Variants in SUPT7L observed in about 807,000 individuals in gnomAD.
SUPT7L encodes the protein STAGA complex 65 subunit gamma.
A neutral mutation model predicts 35.7 loss-of-function variants in SUPT7L; 15 were observed. The observed-to-expected ratio is 0.42, with a 90% CI of 0.28 to 0.65. The LOEUF (loss-of-function observed/expected upper bound fraction) is 0.65. Among genes scored for constraint, SUPT7L ranks in the 30% least tolerant of loss-of-function variants. The pLI is 0.23. For missense variants in SUPT7L, 434 were observed against 522.2 expected (o/e 0.83, Z 1.65); for synonymous variants, 168 against 186.2 (o/e 0.90, Z 0.79).
intron 4 of SUPT7L, among the ~76,000 whole-genome samples, chr2:27,656,024 C>CAA (rs879833256): frequency 2.4e-5 from 3 of 123,556 alleles, no homozygotes; most frequent in African/African-American, 3.0e-5. Flanking sequence ...CCATCTCTAC[C>CAA]AAAAAAAAAA....
At chr2:27,655,869 G>C (rs1342286007) in intron 4 of SUPT7L, among the ~76,000 whole-genome samples, 1 of 152,180 alleles carries the variant, frequency 6.6e-6, no homozygotes, top group Admixed American at 6.5e-5. Flanking sequence ...TGGGACAAAA[G>C]ATTACATTTT....
In SUPT7L at chr2:27,658,373, GACTCCAGAA is replaced by G. The variant is rs557075004; in HGVS notation, c.420-713_420-705del. On this transcript the variant is annotated intron_variant, in intron 3 of 5. Coordinates refer to ENST00000337768, the MANE Select transcript of SUPT7L (RefSeq NM_014860.3). ...ATAATTAGTAAGTGGTAAAGCTTCT[GACTCCAGAA>G]ACCGTATCCTGCATAATACACCATT... Among the ~76,000 whole-genome samples, 29 of 152,210 alleles carry G rather than the reference GACTCCAGAA, an allele frequency of 1.9e-4. No individual in the cohort carries two copies. The South Asian group carries it at 4.8e-3, about 25-fold the overall frequency.
chr2:27,662,174 C>G lies in SUPT7L; in HGVS notation c.14+5G>C, dbSNP rs1391307449. The G allele has an allele frequency of 1.2e-6, 2 of 1,614,192 alleles. No homozygotes were observed. The highest frequency in any genetic ancestry group is 1.1e-5 in the South Asian group (1 of 91,084). ...AACAAAATTCACAATCTGGTTTCAA[C>G]TCACCTTTGCAGATTCATTGTCCAT... On this transcript the variant is annotated splice_donor_5th_base_variant and intron_variant, in intron 2 of 5. Transcript: ENST00000337768.
chr2:27,661,999 G>T (rs1257498797), intron 2 of SUPT7L, 180 bp downstream of exon 2: 2 of 756,150 alleles, frequency 2.6e-6, no homozygotes, highest in Non-Finnish European at 4.3e-6. Context: ...AGAGATTTCT[G>T]CTGCCTTCTA....
chr2:27,642,998 C>CACACACAT, the SUPT7L span, among the ~76,000 whole-genome samples: 1 of 150,150 alleles, frequency 6.7e-6, no homozygotes, highest in Non-Finnish European at 1.5e-5. Flanking sequence ...CACACACATA[C>CACACACAT]ATATGCATAC....
At chr2:27,661,593 G>A (rs1675112797) in intron 2 of SUPT7L, 2 of 1,414,264 alleles carry the variant, frequency 1.4e-6, no homozygotes, top group African/African-American at 1.4e-5. Context: ...AGGACCAAAG[G>A]TGTTCTCCCT....
At chr2:27,644,743 T>TA in the SUPT7L span, among the ~76,000 whole-genome samples, 3 of 149,026 alleles carry the variant, frequency 2.0e-5, no homozygotes, top group South Asian at 2.1e-4. Flanking sequence ...TTTTTTTTTT[T>TA]ACAGATGAGG....
intron 3 of SUPT7L, among the ~76,000 whole-genome samples, chr2:27,659,955 A>G (rs572071785): frequency 6.6e-6 from 1 of 152,334 alleles, no homozygotes; most frequent in African/African-American, 2.4e-5. Context: ...ATGAAAATAA[A>G]AAAGTAATTG....
rs959597660 is a variant in SUPT7L at position 27,663,377 on chromosome 2, C to T, written c.-138G>A. Reference sequence around the variant, plus strand: ...ACGGAGCCCAAGGAATGCCCAAGTCCCTCCAGGGGTTTCCTCGGTCACGGT... The same window carrying T: ...ACGGAGCCCAAGGAATGCCCAAGTCTCTCCAGGGGTTTCCTCGGTCACGGT... On this transcript the variant is annotated 5_prime_UTR_variant, in exon 1 of 6. Coordinates refer to ENST00000337768, the MANE Select transcript of SUPT7L (RefSeq NM_014860.3). 1 of 201,732 alleles carries T rather than the reference C, an allele frequency of 5.0e-6. No homozygotes were observed. Among genetic ancestry groups the T allele is most frequent in the African/African-American group, 2.3e-5 (1 of 42,830 alleles). 12.5% of individuals were successfully genotyped at this position (201,732 alleles called of 1,614,324 possible).
At chr2:27,642,870 C>T in the SUPT7L span, among the ~76,000 whole-genome samples, 3 of 151,178 alleles carry the variant, frequency 2.0e-5, no homozygotes, top group African/African-American at 7.3e-5. Flanking sequence ...TGGCCGGTTA[C>T]ACTTATTTCT....
chr2:27,655,402 T>C lies in SUPT7L; in HGVS notation c.945A>G (p.Pro315=). The C allele has an allele frequency of 1.2e-6, 2 of 1,602,500 alleles. No individual in the cohort carries two copies. Among genetic ancestry groups the C allele is most frequent in the East Asian group, 2.2e-5 (1 of 44,686 alleles). The change falls in exon 5 of 6, where the codon CCA becomes CCG. Residue 315 remains proline (P), a synonymous_variant. Coordinates refer to ENST00000337768, the MANE Select transcript of SUPT7L (RefSeq NM_014860.3). ...GVLGAQSERF[P]SNLEVEASPQ... ...GTGAAGCTTCAACCTCCAGGTTAGA[T>C]GGGAAGCGTTCGCTCTGAGCCCCAA...
intron 2 of SUPT7L, 63 bp from the exon 3 acceptor site, chr2:27,661,451 T>C: frequency 6.3e-7 from 1 of 1,599,122 alleles, no homozygotes. Flanking sequence ...AACCTAAAAG[T>C]AATGTGTTTA....
Position 27,653,550 on chromosome 2 carries a change from C to T in SUPT7L, c.1180G>A (p.Asp394Asn). ...SDSSYGSHST[D>N]SLMGSSPVFN... ...ACAGGGGAGGACCCCATGAGGCTGT[C>T]AGTGGAGTGGGAACCATAGCTGCTA... Residue 394 changes from aspartate (D) to asparagine (N), a missense_variant, in exon 6 of 6, where the codon GAC (aspartate) becomes AAC (asparagine). Around this residue, in one of 3 missense-constraint regions of SUPT7L, gnomAD observed 159 missense variants for 217.1 expected, o/e 0.73. Coordinates refer to ENST00000337768, the MANE Select transcript of SUPT7L (RefSeq NM_014860.3). The T allele has an allele frequency of 6.2e-7, 1 of 1,614,194 alleles. No homozygotes were observed. Among genetic ancestry groups the T allele is most frequent in the Non-Finnish European group, 8.5e-7 (1 of 1,180,040 alleles).
downstream of SUPT7L, among the ~76,000 whole-genome samples, chr2:27,646,445 A>C (rs1218715513): frequency 6.6e-6 from 1 of 152,194 alleles, no homozygotes; most frequent in South Asian, 2.1e-4. Flanking sequence ...TGTATGTATG[A>C]AGGCTTTTGA....
At position 27,651,669 on chromosome 2, in the gene SUPT7L, T is replaced by C. The variant is rs1674560550; in HGVS notation, c.*1816A>G. On this transcript the variant is annotated 3_prime_UTR_variant, in exon 6 of 6. Transcript: ENST00000337768. ...CTTACAGAATAACTTGTCTTCCTTA[T>C]GCTTCAAGCTCCAAAAGGGTAAGGA... 1 of 152,366 alleles carries C rather than the reference T, an allele frequency of 6.6e-6. No homozygotes were observed. The highest frequency in any genetic ancestry group is 1.9e-4 in the East Asian group (1 of 5,192). The allele number at this position is 152,366 out of a possible 1,614,324, so 9.4% of individuals were successfully genotyped here. A position where few individuals can be genotyped will look rare whatever the true frequency, so the allele number is the denominator to read the frequency against.
At chr2:27,649,979 G>A (rs1490494006), downstream of SUPT7L, 2 of 581,552 alleles carry the variant, frequency 3.4e-6, no homozygotes, top group Non-Finnish European at 6.3e-6. Context: ...GCTTCTAGGA[G>A]ACATTTCCTT....
Position 27,657,535 on chromosome 2 carries a change from A to G in SUPT7L, c.554T>C (p.Val185Ala), listed in dbSNP as rs1451778445. 1 of 1,614,160 alleles carries G rather than the reference A, an allele frequency of 6.2e-7. No homozygotes were observed. Among genetic ancestry groups the G allele is most frequent in the African/African-American group, 1.3e-5 (1 of 74,958 alleles). ...AAACTTAAGGCAATACTCATGTGCC[A>G]CATCAGTTAGGGTCTCCAGGACACT... Reference protein sequence around the residue: ...NESVLETLTDVAHEYCLKFTK... With the variant: ...NESVLETLTDAAHEYCLKFTK... The change falls in exon 4 of 6, where the codon GTG becomes GCG. Residue 185 changes from valine to alanine, a missense_variant. By Grantham distance (64) the Val-to-Ala change is moderately conservative (BLOSUM62 0). Coordinates refer to ENST00000337768, the MANE Select transcript of SUPT7L (RefSeq NM_014860.3). The surrounding 1 kb of genome is among the most constrained non-coding windows in gnomAD (Gnocchi z 5.2).
At chr2:27,642,958 T>TATACACACACAC in the SUPT7L span, among the ~76,000 whole-genome samples, 2,127 of 122,604 alleles carry the variant, frequency 0.017, 37 homozygotes, top group East Asian at 0.065. Flanking sequence ...TATATATATA[T>TATACACACACAC]ACACACACAC....
intron 2 of SUPT7L, chr2:27,661,950 A>G: frequency 1.6e-6 from 1 of 606,740 alleles, no homozygotes. Flanking sequence ...CATTAATCTA[A>G]ATGGCATTAT....
Sources: gnomAD v4.1 joint callset for allele counts (sites outside exome capture counted in the v4.1 genomes callset) on GRCh38, gnomAD v4.1.1 for gene constraint, gnomAD v4.1.1 regional missense constraint, Gnocchi (gnomAD v3.1) non-coding constraint, MANE v1.5 for transcripts, NCBI Gene and HGNC (gene_info 2026-07-23, HGNC 2026-07-21) for gene names.